Variants in MARCHF1 observed in about 807,000 individuals in gnomAD.
MARCHF1 encodes the protein membrane associated ring-CH-type finger 1, also known as E3 ubiquitin-protein ligase MARCHF1.
In MARCHF1, 40 loss-of-function variants were observed where a neutral mutation model predicts 54.2. The ratio of observed to expected loss-of-function variants is 0.74; its 90% confidence interval spans 0.57 to 0.96. The LOEUF is 0.96. Among genes scored for constraint, MARCHF1 ranks in the 40% least tolerant of loss-of-function variants. The pLI, the probability that MARCHF1 is intolerant of heterozygous loss-of-function variation, is 0.00. For synonymous variants in MARCHF1, 236 were observed against 236.3 expected (o/e 1.00, Z 0.01); for missense variants, 586 against 656.5 (o/e 0.89, Z 1.17).
chr4:164,006,947 CATTCCCATCTT>C (rs1256954396), intron 2 of MARCHF1, among the ~76,000 whole-genome samples: 1 of 115,092 alleles, frequency 8.7e-6, no homozygotes, highest in Non-Finnish European at 1.6e-5. Flanking sequence ...TCACCACCAT[CATTCCCATCTT>C]ATAAGAAATA....
chr4:164,154,304 T>C (rs1259968318), intron 1 of MARCHF1, among the ~76,000 whole-genome samples: 1 of 152,208 alleles, frequency 6.6e-6, no homozygotes, highest in African/African-American at 2.4e-5. Flanking sequence ...TTAGATCTTT[T>C]AGAAATGGAA....
chr4:163,533,886 C>T (rs955597176), intron 9 of MARCHF1, among the ~76,000 whole-genome samples: 2 of 151,606 alleles, frequency 1.3e-5, no homozygotes, highest in African/African-American at 4.8e-5. Flanking sequence ...TTTAGCCATG[C>T]CCAATGGAGT....
intron 3 of MARCHF1, among the ~76,000 whole-genome samples, chr4:163,976,633 C>T (rs554763273): frequency 2.0e-5 from 3 of 152,244 alleles, no homozygotes; most frequent in South Asian, 2.1e-4. Flanking sequence ...GTTATCAAAA[C>T]GCATTGCAAC....
intron 1 of MARCHF1, among the ~76,000 whole-genome samples, chr4:164,123,197 G>A (rs1756108083): frequency 6.6e-6 from 1 of 151,954 alleles, no homozygotes; most frequent in Non-Finnish European, 1.5e-5. Context: ...ATTTTAAAAA[G>A]TAATCCAATT....
chr4:163,922,269 C>T (rs897949454), intron 3 of MARCHF1, among the ~76,000 whole-genome samples: 8 of 151,882 alleles, frequency 5.3e-5, no homozygotes, highest in South Asian at 2.1e-4. Flanking sequence ...TGTTAAATGA[C>T]GAGGTGATGG....
chr4:163,832,598 T>TATTATTATA (rs1285332827), intron 4 of MARCHF1, among the ~76,000 whole-genome samples: 2 of 150,262 alleles, frequency 1.3e-5, no homozygotes, highest in Non-Finnish European at 3.0e-5. Context: ...TTATTATTAT[T>TATTATTATA]ATTATAATAC....
intron 1 of MARCHF1, among the ~76,000 whole-genome samples, chr4:164,210,432 A>G (rs1008028247): frequency 1.3e-5 from 2 of 152,174 alleles, no homozygotes; most frequent in Non-Finnish European, 2.9e-5. Context: ...TAGAATATAA[A>G]TAGATATGGA....
intron 2 of MARCHF1, among the ~76,000 whole-genome samples, chr4:164,088,525 C>T (rs1306796085): frequency 6.6e-6 from 1 of 152,130 alleles, no homozygotes; most frequent in East Asian, 1.9e-4. Flanking sequence ...ATTGCTTGAG[C>T]CAAGGAGTCT....
At chr4:163,948,786 A>T (rs1218239466) in intron 3 of MARCHF1, among the ~76,000 whole-genome samples, 1 of 152,256 alleles carries the variant, frequency 6.6e-6, no homozygotes, top group Non-Finnish European at 1.5e-5. Context: ...ATTTAATGGA[A>T]CAATCAGCAA....
Position 163,700,811 on chromosome 4 carries a change from A to T in MARCHF1, c.162+2T>A. On this transcript the variant is annotated splice_donor_variant, in intron 5 of 9. Coordinates refer to ENST00000514618, the MANE Select transcript of MARCHF1 (RefSeq NM_001394959.1). LOFTEE classifies it high-confidence loss of function. ...AAACAAGAAAATGAGTACTTCACCT[A>T]CTTTTGAAATGTTACTTGATCGACT... 1 of 1,535,696 alleles carries T rather than the reference A, an allele frequency of 6.5e-7. No individual in the cohort carries two copies. Among genetic ancestry groups the T allele is most frequent in the Non-Finnish European group, 8.7e-7 (1 of 1,145,758 alleles).
At chr4:164,125,545 G>A (rs151106750) in intron 1 of MARCHF1, among the ~76,000 whole-genome samples, 41 of 152,236 alleles carry the variant, frequency 2.7e-4, no homozygotes, top group Admixed American at 7.2e-4. Flanking sequence ...AATCACTCCT[G>A]AAATGATTAT....
At chr4:164,197,612 G>A (rs1049309823) in intron 1 of MARCHF1, 3 of 1,612,968 alleles carry the variant, frequency 1.9e-6, no homozygotes, top group African/African-American at 2.7e-5. Flanking sequence ...AGGGCTTCGA[G>A]TTTGCCTTCA....
intron 5 of MARCHF1, among the ~76,000 whole-genome samples, chr4:163,672,026 G>A (rs1743753325): frequency 6.6e-6 from 1 of 152,112 alleles, no homozygotes; most frequent in South Asian, 2.1e-4. Context: ...TAATATGTTT[G>A]ATTTGTTTAC....
chr4:163,764,002 C>T (rs895952084), intron 4 of MARCHF1, among the ~76,000 whole-genome samples: 3 of 151,860 alleles, frequency 2.0e-5, no homozygotes, highest in African/African-American at 7.3e-5. Flanking sequence ...AACTAAATAC[C>T]ATTCCAAGTG....
At chr4:164,013,851 C>T (rs904501281) in intron 2 of MARCHF1, among the ~76,000 whole-genome samples, 2 of 152,064 alleles carry the variant, frequency 1.3e-5, no homozygotes, top group Non-Finnish European at 2.9e-5. Flanking sequence ...TTTCTCAACA[C>T]CAGACTTGCC....
intron 3 of MARCHF1, among the ~76,000 whole-genome samples, chr4:163,868,243 T>C (rs1327390952): frequency 1.3e-5 from 2 of 151,982 alleles, no homozygotes; most frequent in African/African-American, 2.4e-5. Flanking sequence ...AATAAAAATT[T>C]TGTCATAAAT....
chr4:163,965,233 A>G (rs997866976), intron 3 of MARCHF1, among the ~76,000 whole-genome samples: 66 of 151,912 alleles, frequency 4.3e-4, no homozygotes, highest in African/African-American at 1.6e-3. Context: ...CAAAATATGG[A>G]GACTCTAAGG....
intron 3 of MARCHF1, among the ~76,000 whole-genome samples, chr4:163,985,485 CT>C (rs963469151): frequency 6.6e-6 from 1 of 152,028 alleles, no homozygotes; most frequent in Non-Finnish European, 1.5e-5. Context: ...ATAGGAGTTA[CT>C]TTTTAAAATC....
intron 1 of MARCHF1, among the ~76,000 whole-genome samples, chr4:164,163,704 A>G (rs2110950285): frequency 6.6e-6 from 1 of 152,082 alleles, no homozygotes; most frequent in East Asian, 1.9e-4. Context: ...TCAGAAAATT[A>G]GTGGAACACA....
Sources: gnomAD v4.1 joint callset for allele counts (sites outside exome capture counted in the v4.1 genomes callset) on GRCh38, gnomAD v4.1.1 for gene constraint, MANE v1.5 for transcripts, NCBI Gene and HGNC (gene_info 2026-07-23, HGNC 2026-07-21) for gene names.